NCAPD3: variants seen among roughly 807,000 people sequenced by gnomAD.
NCAPD3 encodes non-SMC condensin II complex subunit D3.
In NCAPD3, 105 loss-of-function variants were observed where a neutral mutation model predicts 182.9. The observed-to-expected ratio is 0.57, with a 90% CI of 0.49 to 0.68. NCAPD3 has a LOEUF of 0.68. NCAPD3 is among the 30% of genes least tolerant of loss of function. The pLI, the probability that NCAPD3 is intolerant of heterozygous loss-of-function variation, is 0.00. For synonymous variants in NCAPD3, 815 were observed against 679.9 expected (o/e 1.20, Z -3.09); for missense variants, 1,944 against 1,837.0 (o/e 1.06, Z -1.07).
intron 30 of NCAPD3, 74 bp from the exon 31 acceptor site, chr11:134,158,141 C>A: frequency 6.4e-7 from 1 of 1,557,322 alleles, no homozygotes. Context: ...GCACTGTGTC[C>A]CCGCGTGCCT....
intron 3 of NCAPD3, among the ~76,000 whole-genome samples, chr11:134,214,891 A>G (rs1937960396): frequency 6.6e-6 from 1 of 152,198 alleles, no homozygotes; most frequent in Non-Finnish European, 1.5e-5. Context: ...TTACCAAGAT[A>G]CCCAGATACT....
At chr11:134,173,603 G>C (rs1420557049) in intron 24 of NCAPD3, 1 of 152,520 alleles carries the variant, frequency 6.6e-6, no homozygotes, top group East Asian at 1.9e-4. Context: ...CATTCGACCT[G>C]GATGGAGGGC....
At position 134,152,716 on chromosome 11, in the gene NCAPD3, G is replaced by A. The variant is rs925615033; in HGVS notation, c.*228C>T. ...TAAAGTTACAATATTAAACAGATTA[G>A]GGTAAGAAAATCTAAATCTGGCACA... On this transcript the variant is annotated 3_prime_UTR_variant, in exon 35 of 35. Transcript: ENST00000534548. 2.2e-6 allele frequency: 1 copy of A among 449,226 alleles called. No homozygotes were observed. Among genetic ancestry groups the A allele is most frequent in the Non-Finnish European group, 3.9e-6 (1 of 256,398 alleles). The allele number at this position is 449,226 out of a possible 1,614,324, so 27.8% of individuals were successfully genotyped here. A position where few individuals can be genotyped will look rare whatever the true frequency, so the allele number is the denominator to read the frequency against.
chr11:134,192,454 T>C (rs567199898), intron 16 of NCAPD3, among the ~76,000 whole-genome samples: 1 of 152,286 alleles, frequency 6.6e-6, no homozygotes, highest in East Asian at 1.9e-4. Context: ...AATCTGAAAC[T>C]GGAAAGCGTC....
chr11:134,162,992 C>T (rs1943630918), intron 27 of NCAPD3, among the ~76,000 whole-genome samples: 1 of 152,092 alleles, frequency 6.6e-6, no homozygotes, highest in Non-Finnish European at 1.5e-5. Context: ...GAGGGCGCTG[C>T]AGACTTTAGA....
At chr11:134,201,022 G>A (rs918497746) in intron 13 of NCAPD3, among the ~76,000 whole-genome samples, 4 of 150,496 alleles carry the variant, frequency 2.7e-5, no homozygotes, top group Non-Finnish European at 5.9e-5. Context: ...GTCCAGAATA[G>A]GCAATTTTTT....
Position 134,153,044 on chromosome 11 carries a change from T to C in NCAPD3, c.4397A>G (p.Gln1466Arg). Residue 1466 changes from glutamine (Q) to arginine (R), a missense_variant, in exon 35 of 35, where the codon CAG becomes CGG. Coordinates refer to ENST00000534548, the MANE Select transcript of NCAPD3 (RefSeq NM_015261.3). ...AGACCGCACATTCCACTGCTGAGGC[T>C]GTGGGGGCCTAGGGAAAGGACATGT... Reference protein sequence around the residue: ...CLSLPDKPPPQPQQWNVRSPA... With the variant: ...CLSLPDKPPPRPQQWNVRSPA... 1 of 1,603,228 alleles carries C rather than the reference T, an allele frequency of 6.2e-7. No individual in the cohort carries two copies. The highest frequency in any genetic ancestry group is 1.1e-5 in the South Asian group (1 of 90,030).
chr11:134,171,709 TCCTC>T (rs1433043169), intron 24 of NCAPD3, among the ~76,000 whole-genome samples: 1 of 152,136 alleles, frequency 6.6e-6, no homozygotes, highest in African/African-American at 2.4e-5. Flanking sequence ...GCTGCTTCCT[TCCTC>T]CATGTACTCT....
At chr11:134,199,204 T>A (rs994786438) in intron 13 of NCAPD3, among the ~76,000 whole-genome samples, 2 of 152,196 alleles carry the variant, frequency 1.3e-5, no homozygotes, top group African/African-American at 4.8e-5. Context: ...TATCACAGGA[T>A]ACTATGTTAA....
At chr11:134,193,022 G>A in intron 15 of NCAPD3, 113 bp from the exon 16 acceptor site, 1 of 641,054 alleles carries the variant, frequency 1.6e-6, no homozygotes, top group South Asian at 2.2e-5. Context: ...ATAGACCATA[G>A]AGTGAAAAAA....
intron 27 of NCAPD3, among the ~76,000 whole-genome samples, chr11:134,167,000 A>G (rs663728): frequency 7.1e-5 from 6 of 85,102 alleles, no homozygotes; most frequent in African/African-American, 2.2e-4. Flanking sequence ...AGATGAGCTT[A>G]GGGGAGCTGC....
Position 134,177,344 on chromosome 11 carries a change from A to C in NCAPD3, c.2896T>G (p.Cys966Gly), listed in dbSNP as rs1227131008. 6.2e-7 allele frequency: 1 copy of C among 1,614,250 alleles called. No homozygotes were observed. The highest frequency in any genetic ancestry group is 2.2e-5 in the East Asian group (1 of 44,884). Residue 966 changes from cysteine to glycine, a missense_variant, in exon 23 of 35, where the codon TGC (cysteine) becomes GGC (glycine). Transcript: ENST00000534548. ...AVRNNVIIVM[C>G]DLCIRYTIMV... ...ATGGTGTAGCGAATGCAGAGATCGCACATTACAATGATGACGTTGTTGCGG... is the reference window on the plus strand; with the variant it reads ...ATGGTGTAGCGAATGCAGAGATCGCCCATTACAATGATGACGTTGTTGCGG...
rs1253622947 is a variant in NCAPD3 at position 134,151,207 on chromosome 11, A to C, written c.*1737T>G. On this transcript the variant is annotated 3_prime_UTR_variant, in exon 35 of 35. Transcript: ENST00000534548. ...TTTGACAGCTTTTTTTTAATTGCAT[A>C]CATGAGACTGTGTTGACTTTTTTTA... 1.3e-5 allele frequency: 2 copies of C among 152,182 alleles called. No homozygotes were observed. The highest frequency in any genetic ancestry group is 2.4e-5 in the African/African-American group (1 of 41,438). 9.4% of individuals were successfully genotyped at this position (152,182 alleles called of 1,614,324 possible). A position where few individuals can be genotyped will look rare whatever the true frequency, so the allele number is the denominator to read the frequency against.
chr11:134,173,909 C>T (rs1438327407), intron 24 of NCAPD3, among the ~76,000 whole-genome samples: 2 of 150,794 alleles, frequency 1.3e-5, no homozygotes, highest in Non-Finnish European at 3.0e-5. Flanking sequence ...TGCAGTGAGC[C>T]GAGATCATGC....
At chr11:134,223,810 GA>G (rs1264407452) in intron 1 of NCAPD3, 52 bp downstream of exon 1, 1 of 1,583,370 alleles carries the variant, frequency 6.3e-7, no homozygotes, top group African/African-American at 1.3e-5. Flanking sequence ...CATCGTCGGG[GA>G]CGCATAGGAC....
In NCAPD3 at chr11:134,153,293, G is replaced by C. The variant is rs996523243; in HGVS notation, c.4323C>G (p.Ala1441=). 6.2e-7 allele frequency: 1 copy of C among 1,614,182 alleles called. No individual in the cohort carries two copies. Among genetic ancestry groups the C allele is most frequent in the Non-Finnish European group, 8.5e-7 (1 of 1,180,028 alleles). ...AGAAGGACACCAAGAACTTGCCTTT[G>C]GCTGACGACGGAGTCCGTGGTGTCC... ...YIGTPRTPSS[A]KEKIEGRSQG... The change falls in exon 33 of 35, where the codon GCC becomes GCG. Residue 1441 remains alanine, a synonymous_variant. Transcript: ENST00000534548.
chr11:134,187,701 C>T (rs573043012), intron 16 of NCAPD3, among the ~76,000 whole-genome samples: 1 of 152,308 alleles, frequency 6.6e-6, no homozygotes, highest in South Asian at 2.1e-4. Context: ...AAGAAATAAT[C>T]ACCAAAATGC....
In NCAPD3 at chr11:134,184,929, G is replaced by A. The variant is rs753246715; in HGVS notation, c.2309C>T (p.Pro770Leu). 6.2e-7 allele frequency: 1 copy of A among 1,613,626 alleles called. No individual in the cohort carries two copies. The highest frequency in any genetic ancestry group is 8.5e-7 in the Non-Finnish European group (1 of 1,179,678). Residue 770 changes from proline to leucine, a missense_variant, in exon 18 of 35, where the codon CCT (proline) becomes CTT (leucine). By Grantham distance (98) the Pro-to-Leu change is moderately conservative (BLOSUM62 -3). Coordinates refer to ENST00000534548, the MANE Select transcript of NCAPD3 (RefSeq NM_015261.3). ...AGTCACTTTGTCCCGGGTGCTCTTA[G>A]GAAGATGCTTTGCAATATGCCCAAT... Reference protein sequence around the residue: ...CVIGHIAKHLPKSTRDKVTDA... With the variant: ...CVIGHIAKHLLKSTRDKVTDA...
rs1476938449 is a variant in NCAPD3, at chr11:134,204,446, T to TC, written c.1090-276dup. Among the ~76,000 whole-genome samples the TC allele has an allele frequency of 2.4e-4, 37 of 152,336 alleles. No individual in the cohort carries two copies. Among genetic ancestry groups the TC allele is most frequent in the African/African-American group, 8.7e-4 (36 of 41,580 alleles). ...GGTTTCATAAGGTTCAAATTAAGAA[T>TC]CATTTGTCTAAATGGTTATAAAAAT... On this transcript the variant is annotated intron_variant, in intron 9 of 34. Transcript: ENST00000534548. This position sits in a 1 kb window ranked among gnomAD's most constrained non-coding sequence, Gnocchi z 4.3.
Sources: allele counts gnomAD v4.1 joint callset (sites outside exome capture counted in the v4.1 genomes callset), GRCh38; gene constraint gnomAD v4.1.1; non-coding constraint Gnocchi (gnomAD v3.1); transcripts MANE v1.5; gene names NCBI Gene and HGNC (gene_info 2026-07-23, HGNC 2026-07-21).